The following UBR2 variants were observed in gnomAD, a reference collection of about 807,000 sequenced individuals.
UBR2 encodes ubiquitin protein ligase E3 component n-recognin 2.
UBR2 carries 92 observed loss-of-function variants against 247.9 expected under a neutral mutation model. That is an observed-to-expected ratio of 0.37 (90% CI 0.31 to 0.44). UBR2 has a LOEUF of 0.44. Among genes scored for constraint, UBR2 ranks in the 20% least tolerant of loss-of-function variants. UBR2 has a pLI of 1.00. For synonymous variants in UBR2, 672 were observed against 693.5 expected (o/e 0.97, Z 0.49); for missense variants, 1,613 against 2,112.6 (o/e 0.76, Z 4.64).
intron 23 of UBR2, among the ~76,000 whole-genome samples, chr6:42,651,711 G>A (rs575246729): frequency 2.0e-5 from 3 of 151,966 alleles, no homozygotes; most frequent in African/African-American, 7.2e-5. Flanking sequence ...GGCTGCTCTC[G>A]AACTCCTGAC....
In UBR2 at chr6:42,665,389, C is replaced by T. The variant is rs565515782; in HGVS notation, c.3699-20C>T. 6.5e-7 allele frequency: 1 copy of T among 1,549,668 alleles called. No individual in the cohort carries two copies. The highest frequency in any genetic ancestry group is 1.1e-5 in the South Asian group (1 of 87,364). On this transcript the variant is annotated intron_variant, in intron 32 of 46. Transcript: ENST00000372901. ...AGGAACAATAATAAAACACTAAATA[C>T]TCTCTATAATCTTTTCTAGCAGGTT...
chr6:42,605,966 A>C, intron 6 of UBR2, 107 bp downstream of exon 6: 1 of 1,041,850 alleles, frequency 9.6e-7, no homozygotes, highest in East Asian at 2.7e-5. Context: ...GGCTTTTCTT[A>C]AAATTTCATT....
chr6:42,592,934 G>A (rs983883491), intron 3 of UBR2, among the ~76,000 whole-genome samples: 1 of 152,100 alleles, frequency 6.6e-6, no homozygotes, highest in Admixed American at 6.5e-5. Context: ...CAGCACTTTG[G>A]GAGGCCAAGG....
rs529011894 is a variant in UBR2, at chr6:42,652,311, T to C, written c.2615-180T>C. Among the ~76,000 whole-genome samples the C allele has an allele frequency of 2.6e-5, 4 of 152,258 alleles. No individual in the cohort carries two copies. The South Asian group carries it at 8.3e-4, about 31-fold the overall frequency. ...TTTCTAGGGGAAAAGATAGACTTTCTTCTGTACTGCTGCTACTTTCGTGGC... is the reference window on the plus strand; with the variant it reads ...TTTCTAGGGGAAAAGATAGACTTTCCTCTGTACTGCTGCTACTTTCGTGGC... On this transcript the variant is annotated intron_variant, in intron 24 of 46. Transcript: ENST00000372901.
intron 2 of UBR2, among the ~76,000 whole-genome samples, chr6:42,588,733 C>T (rs891828563): frequency 2.0e-5 from 3 of 152,176 alleles, no homozygotes; most frequent in Non-Finnish European, 4.4e-5. Context: ...CACCCCTCCC[C>T]TCTTCCGAGA....
At chr6:42,646,039 A>G (rs1796734322) in intron 21 of UBR2, among the ~76,000 whole-genome samples, 1 of 152,166 alleles carries the variant, frequency 6.6e-6, no homozygotes, top group Admixed American at 6.6e-5. Context: ...GAGTCTTCTT[A>G]ATGACGAGCC....
chr6:42,666,363 C>A, intron 34 of UBR2, 118 bp downstream of exon 34: 1 of 784,304 alleles, frequency 1.3e-6, no homozygotes. Flanking sequence ...GGATACTGAT[C>A]TTTAGTTGTA....
intron 11 of UBR2, among the ~76,000 whole-genome samples, chr6:42,631,863 TATATATATATA>T (rs1795741287): frequency 2.2e-5 from 2 of 89,816 alleles, no homozygotes; most frequent in Non-Finnish European, 4.4e-5. Context: ...TCTGATTTTA[TATATATATATA>T]TATATATATA....
At position 42,693,145 on chromosome 6, in the gene UBR2, C is replaced by T. The variant is rs1217087079; in HGVS notation, c.*1972C>T. The T allele has an allele frequency of 7.1e-6, 1 of 140,794 alleles. No individual in the cohort carries two copies. Among genetic ancestry groups the T allele is most frequent in the African/African-American group, 2.5e-5 (1 of 40,078 alleles). 8.7% of individuals were successfully genotyped at this position (140,794 alleles called of 1,614,324 possible). Reference sequence around the variant, plus strand: ...ACAATACTCCAGCTTTCCGGTCCGACTTCCTAGGAGCCTGGAGTTAGCAAA... The same window carrying T: ...ACAATACTCCAGCTTTCCGGTCCGATTTCCTAGGAGCCTGGAGTTAGCAAA... On this transcript the variant is annotated 3_prime_UTR_variant, in exon 47 of 47. Coordinates refer to ENST00000372901, the MANE Select transcript of UBR2 (RefSeq NM_001363705.2).
intron 18 of UBR2, among the ~76,000 whole-genome samples, chr6:42,643,111 A>G (rs1011471500): frequency 6.6e-6 from 1 of 152,030 alleles, no homozygotes; most frequent in South Asian, 2.1e-4. Context: ...GGACCCTAGC[A>G]TGGTATTTAA....
At chr6:42,596,534 T>C (rs1171532472) in intron 4 of UBR2, among the ~76,000 whole-genome samples, 1 of 152,174 alleles carries the variant, frequency 6.6e-6, no homozygotes, top group East Asian at 1.9e-4. Context: ...TGCACACACA[T>C]GTTGTAGCAA....
Position 42,564,232 on chromosome 6 carries a change from G to A in UBR2, c.-88G>A. On this transcript the variant is annotated 5_prime_UTR_variant, in exon 1 of 47. Transcript: ENST00000372901. ...GACGGCTCCGGGACTGATTGCCTGG[G>A]GCAGGGGTGGCAGTCGAGGCCGCCG... The A allele has an allele frequency of 6.8e-7, 1 of 1,469,864 alleles. No individual in the cohort carries two copies. The allele number at this position is 1,469,864 out of a possible 1,614,324, so 91.1% of individuals were successfully genotyped here. A position where few individuals can be genotyped will look rare whatever the true frequency, so the allele number is the denominator to read the frequency against.
intron 1 of UBR2, among the ~76,000 whole-genome samples, chr6:42,565,353 C>A (rs1322457040): frequency 6.6e-6 from 1 of 152,078 alleles, no homozygotes; most frequent in East Asian, 1.9e-4. Context: ...GGGAGTGACC[C>A]GTGAATAAAA....
intron 16 of UBR2, among the ~76,000 whole-genome samples, chr6:42,641,203 C>A (rs142149509): frequency 6.6e-6 from 1 of 152,276 alleles, no homozygotes; most frequent in East Asian, 1.9e-4. Context: ...GTGGCCCACA[C>A]CTGTAATCGC....
At chr6:42,685,341 T>C (rs1044639561) in intron 44 of UBR2, among the ~76,000 whole-genome samples, 5 of 152,098 alleles carry the variant, frequency 3.3e-5, no homozygotes, top group Non-Finnish European at 7.4e-5. Flanking sequence ...TAGTACTCTA[T>C]ACTACATAAC....
At chr6:42,619,314 C>A (rs1299164791) in intron 11 of UBR2, among the ~76,000 whole-genome samples, 1 of 148,546 alleles carries the variant, frequency 6.7e-6, no homozygotes, top group Non-Finnish European at 1.5e-5. Context: ...AACATCTTTG[C>A]AATATTGAAT....
At chr6:42,614,238 ACACACACG>A (rs201013645) in intron 8 of UBR2, among the ~76,000 whole-genome samples, 10,777 of 54,510 alleles carry the variant, frequency 0.2, 1,890 homozygotes, top group South Asian at 0.26. Context: ...ACACACACAC[ACACACACG>A]CGCGCACATA....
intron 11 of UBR2, among the ~76,000 whole-genome samples, chr6:42,626,045 A>C (rs1316684694): frequency 6.7e-6 from 1 of 148,916 alleles, no homozygotes; most frequent in Non-Finnish European, 1.5e-5. Context: ...CGATCTCCTG[A>C]CCTCGTGATC....
At chr6:42,597,724 G>A (rs1489701823) in intron 4 of UBR2, among the ~76,000 whole-genome samples, 1 of 151,734 alleles carries the variant, frequency 6.6e-6, no homozygotes, top group Non-Finnish European at 1.5e-5. Context: ...GACCAGCTTG[G>A]TCTCGAACAT....
Sources: gnomAD v4.1 joint callset for allele counts (sites outside exome capture counted in the v4.1 genomes callset) on GRCh38, gnomAD v4.1.1 for gene constraint, MANE v1.5 for transcripts, NCBI Gene and HGNC (gene_info 2026-07-23, HGNC 2026-07-21) for gene names.